DAPK2: variants seen among roughly 807,000 people sequenced by gnomAD.
DAPK2 encodes the protein death-associated protein kinase 2.
A neutral mutation model predicts 44.1 loss-of-function variants in DAPK2; 35 were observed. The observed-to-expected ratio is 0.79, with a 90% CI of 0.61 to 1.05. DAPK2 has a LOEUF of 1.05. DAPK2 is among the 50% of genes least tolerant of loss of function. DAPK2 has a pLI of 0.00. For synonymous variants in DAPK2, 174 were observed against 182.6 expected, an observed-to-expected ratio of 0.95 and a Z score of 0.38; for missense variants, 453 against 483.2, an observed-to-expected ratio of 0.94 and a Z score of 0.59.
intron 5 of DAPK2, 128 bp from the exon 7 acceptor site, chr15:63,929,705 A>T (rs755773220): frequency 9.4e-7 from 1 of 1,058,868 alleles, no homozygotes; most frequent in Admixed American, 1.9e-5. Flanking sequence ...ATGCCGTCTC[A>T]TGCTCCACAC....
At chr15:63,973,160 C>T (rs2078258485) in intron 2 of DAPK2, among the ~76,000 whole-genome samples, 1 of 152,240 alleles carries the variant, frequency 6.6e-6, no homozygotes, top group Admixed American at 6.5e-5. Flanking sequence ...CCATACTCCT[C>T]AGACATACCA....
intron 4 of DAPK2, among the ~76,000 whole-genome samples, chr15:63,931,498 G>GA (rs2140381008): frequency 6.6e-6 from 1 of 152,336 alleles, no homozygotes; most frequent in East Asian, 1.9e-4. Flanking sequence ...GCTGGAAAGT[G>GA]ATGAAGAAGA....
At chr15:63,955,496 G>C (rs551647240) in intron 3 of DAPK2, among the ~76,000 whole-genome samples, 1 of 152,268 alleles carries the variant, frequency 6.6e-6, no homozygotes, top group East Asian at 1.9e-4. Flanking sequence ...TGGCCTCTTA[G>C]AACGACTTTG....
intron 1 of DAPK2, among the ~76,000 whole-genome samples, chr15:64,036,343 A>ATTT: frequency 7.3e-6 from 1 of 136,106 alleles, no homozygotes; most frequent in East Asian, 2.3e-4. Context: ...ATATACATAT[A>ATTT]TATATATATA....
chr15:64,033,138 T>C (rs1340239112), intron 1 of DAPK2, among the ~76,000 whole-genome samples: 2 of 151,666 alleles, frequency 1.3e-5, no homozygotes, highest in Non-Finnish European at 2.9e-5. Context: ...CACATGCCTG[T>C]GGTTCCAGCT....
At chr15:63,965,152 G>A (rs1405601463) in intron 3 of DAPK2, among the ~76,000 whole-genome samples, 1 of 152,212 alleles carries the variant, frequency 6.6e-6, no homozygotes, top group Non-Finnish European at 1.5e-5. Flanking sequence ...GGTCACTCCA[G>A]CCAAATCTGT....
At position 63,980,964 on chromosome 15, in the gene DAPK2, C is replaced by T. The variant is rs1357551366; in HGVS notation, c.314+2569G>A. On this transcript the variant is annotated intron_variant, in intron 2 of 10. Coordinates refer to ENST00000261891, the Ensembl canonical transcript of DAPK2. This position sits in a 1 kb window ranked among gnomAD's most constrained non-coding sequence, Gnocchi z 4.3. ...AATTAGCTGGGTGTGGTGGTGGGTGCCTGTAATTCCAGCTACTTGGGAGGC... is the reference window on the plus strand; with the variant it reads ...AATTAGCTGGGTGTGGTGGTGGGTGTCTGTAATTCCAGCTACTTGGGAGGC... 6.6e-6 allele frequency among the ~76,000 whole-genome samples: 1 copy of T among 151,998 alleles called. No homozygotes were observed.
rs374189485 is a variant in DAPK2 at position 63,993,158 on chromosome 15, CCT to C, written c.93-9406_93-9405del. ...TCCACCTCTTCCTGGCCCACAACCCCCTGTGATCTTTCCCATAATTCATGTAA... is the reference window on the plus strand; with the variant it reads ...TCCACCTCTTCCTGGCCCACAACCCCGTGATCTTTCCCATAATTCATGTAA... On this transcript the variant is annotated intron_variant, in intron 1 of 10. Coordinates refer to ENST00000261891, the Ensembl canonical transcript of DAPK2. Among the ~76,000 whole-genome samples the C allele has an allele frequency of 9.5e-4, 144 of 152,270 alleles. 4 individuals carry two copies. The highest frequency in any genetic ancestry group is 3.3e-3 in the African/African-American group (136 of 41,538).
Position 63,923,748 on chromosome 15 carries a change from G to A in DAPK2, c.858+1068C>T, listed in dbSNP as rs1193367715. Among the ~76,000 whole-genome samples the A allele has an allele frequency of 6.6e-6, 1 of 152,222 alleles. No individual in the cohort carries two copies. The highest frequency in any genetic ancestry group is 1.5e-5 in the Non-Finnish European group (1 of 68,040). On this transcript the variant is annotated intron_variant, in intron 8 of 10. Coordinates refer to ENST00000261891, the Ensembl canonical transcript of DAPK2. The surrounding 1 kb of genome is among the most constrained non-coding windows in gnomAD (Gnocchi z 4.2). ...TTGGGCCTTCCCCATCCTTCAATGA[G>A]CTGATGAAGCTGAGCAGATAAAGCT...
At chr15:64,028,811 G>A (rs966882591) in intron 1 of DAPK2, among the ~76,000 whole-genome samples, 3 of 152,104 alleles carry the variant, frequency 2.0e-5, no homozygotes, top group Admixed American at 2.0e-4. Flanking sequence ...AAGAAGGAAG[G>A]AGGAAAGGAG....
intron 3 of DAPK2, among the ~76,000 whole-genome samples, chr15:63,948,962 C>T (rs2140513404): frequency 6.6e-6 from 1 of 152,310 alleles, no homozygotes; most frequent in East Asian, 1.9e-4. Context: ...GATTCAAGCA[C>T]AGGCTGACCC....
At chr15:63,996,994 G>C (rs908311671) in intron 1 of DAPK2, among the ~76,000 whole-genome samples, 4 of 152,168 alleles carry the variant, frequency 2.6e-5, no homozygotes, top group Admixed American at 2.6e-4. Flanking sequence ...GCTGGGTGGG[G>C]ACAGAAGGAA....
intron 3 of DAPK2, among the ~76,000 whole-genome samples, chr15:63,949,463 T>C (rs769054835): frequency 5.9e-5 from 9 of 152,178 alleles, no homozygotes; most frequent in Non-Finnish European, 1.2e-4. Context: ...TCCCTTCCCT[T>C]TATCAGACCC....
At chr15:64,000,928 G>A (rs146624462) in intron 1 of DAPK2, among the ~76,000 whole-genome samples, 2 of 152,064 alleles carry the variant, frequency 1.3e-5, no homozygotes, top group Non-Finnish European at 2.9e-5. Context: ...CACCGAGGCT[G>A]GAGTGCAATG....
chr15:63,949,010 C>T (rs1429012203), intron 3 of DAPK2, among the ~76,000 whole-genome samples: 1 of 152,200 alleles, frequency 6.6e-6, no homozygotes, highest in Non-Finnish European at 1.5e-5. Flanking sequence ...ACATGGCCTC[C>T]CCTCCTCTAG....
chr15:63,930,264 A>G (rs2079496434), intron 5 of DAPK2, 143 bp downstream of exon 6: 2 of 849,570 alleles, frequency 2.4e-6, no homozygotes, highest in African/African-American at 1.7e-5. Context: ...GGTCTAACAC[A>G]TCGGGGGAGC....
intron 3 of DAPK2, among the ~76,000 whole-genome samples, chr15:63,958,946 T>C (rs1396913139): frequency 3.3e-5 from 5 of 152,174 alleles, no homozygotes; most frequent in Admixed American, 3.3e-4. Context: ...ACCTTGGGCA[T>C]TATGGCCATT....
chr15:64,028,748 C>T (rs1430122037), intron 1 of DAPK2, among the ~76,000 whole-genome samples: 7 of 151,576 alleles, frequency 4.6e-5, no homozygotes, highest in Non-Finnish European at 1.0e-4. Flanking sequence ...TGGATGGATA[C>T]GTAGGTAGGC....
At chr15:63,994,649 G>A (rs1224436175) in intron 1 of DAPK2, among the ~76,000 whole-genome samples, 2 of 147,022 alleles carry the variant, frequency 1.4e-5, no homozygotes, top group Admixed American at 6.9e-5. Context: ...GAGTGCAATG[G>A]CTCCATCTCG....
Sources: allele counts gnomAD v4.1 joint callset (sites outside exome capture counted in the v4.1 genomes callset), GRCh38; gene constraint gnomAD v4.1.1; non-coding constraint Gnocchi (gnomAD v3.1); transcripts MANE v1.5; gene names NCBI Gene and HGNC (gene_info 2026-07-23, HGNC 2026-07-21).